The following RSF1 variants were observed in gnomAD, a reference collection of about 807,000 sequenced individuals.
The protein encoded by RSF1 is remodeling and spacing factor 1, also known as HBV pX-associated protein 8.
RSF1 carries 13 observed loss-of-function variants against 145.2 expected under a neutral mutation model. The ratio of observed to expected loss-of-function variants is 0.09; its 90% CI spans 0.06 to 0.14. The LOEUF is 0.14. RSF1 is among the 10% of genes least tolerant of loss of function. The pLI is 1.00. For missense variants in RSF1, 1,517 were observed against 1,718.2 expected (o/e 0.88, Z 2.07); for synonymous variants, 577 against 592.6 (o/e 0.97, Z 0.38).
rs566861785 is a variant in RSF1 at position 77,669,712 on chromosome 11, G to A, written c.3752-2221C>T. Among the ~76,000 whole-genome samples the A allele has an allele frequency of 2.8e-4, 43 of 152,298 alleles. No homozygotes were observed. The South Asian group carries it at 6.8e-3, about 24-fold the overall frequency. ...CTGCACAGCACTATTTATCATCAGAGGTTAGCACATTTTTTATGTAAGAGG... is the reference window on the plus strand; with the variant it reads ...CTGCACAGCACTATTTATCATCAGAAGTTAGCACATTTTTTATGTAAGAGG... On this transcript the variant is annotated intron_variant, in intron 15 of 15. Coordinates refer to ENST00000308488, the MANE Select transcript of RSF1 (RefSeq NM_016578.4).
At chr11:77,732,323 T>C (rs1339142505) in intron 4 of RSF1, among the ~76,000 whole-genome samples, 1 of 152,186 alleles carries the variant, frequency 6.6e-6, no homozygotes, top group Non-Finnish European at 1.5e-5. Flanking sequence ...AGCAATTAAC[T>C]TGCTTTTGAT....
At chr11:77,814,764 A>C (rs1948766170) in intron 1 of RSF1, among the ~76,000 whole-genome samples, 1 of 152,194 alleles carries the variant, frequency 6.6e-6, no homozygotes, top group African/African-American at 2.4e-5. Flanking sequence ...CATTTTTATA[A>C]AGTAGGCATT....
intron 1 of RSF1, among the ~76,000 whole-genome samples, chr11:77,810,029 A>AAT (rs1378131112): frequency 6.6e-6 from 1 of 152,218 alleles, no homozygotes; most frequent in Non-Finnish European, 1.5e-5. Context: ...TTTGCTGCAA[A>AAT]ATACACTGAT....
chr11:77,729,895 C>CAAAAAAAAAAAAAAAAAAAAA lies in RSF1; in HGVS notation c.579-4217_579-4197dup, dbSNP rs398045289. Among the ~76,000 whole-genome samples, 173 of 48,936 alleles carry CAAAAAAAAAAAAAAAAAAAAA rather than the reference C, an allele frequency of 3.5e-3. 24 individuals carry two copies. The highest frequency in any genetic ancestry group is 5.0e-3 in the Non-Finnish European group (112 of 22,364). 32.1% of individuals were successfully genotyped at this position (48,936 alleles called of 152,430 possible). A position where few individuals can be genotyped will look rare whatever the true frequency, so the allele number is the denominator to read the frequency against. Reference sequence around the variant, plus strand: ...TATAAATGCCAAATTATTCAGTAGGCAAAAAAAAAAAAAAAAAAAAAAAAA... The same window carrying CAAAAAAAAAAAAAAAAAAAAA: ...TATAAATGCCAAATTATTCAGTAGGCAAAAAAAAAAAAAAAAAAAAAAAAAAAAAAAAAAAAAAAAAAAAAA... On this transcript the variant is annotated intron_variant, in intron 4 of 15. Transcript: ENST00000308488.
intron 1 of RSF1, among the ~76,000 whole-genome samples, chr11:77,815,368 C>G (rs891108464): frequency 1.3e-5 from 2 of 152,074 alleles, no homozygotes; most frequent in African/African-American, 4.8e-5. Context: ...GTGGGATCTA[C>G]TCTACAATAA....
intron 1 of RSF1, among the ~76,000 whole-genome samples, chr11:77,807,963 G>C (rs531648759): frequency 6.6e-6 from 1 of 152,276 alleles, no homozygotes; most frequent in Admixed American, 6.5e-5. Context: ...ATAGGTACAG[G>C]AGACGAAGTC....
intron 1 of RSF1, among the ~76,000 whole-genome samples, chr11:77,789,429 T>G (rs1327633805): frequency 1.3e-5 from 2 of 152,054 alleles, no homozygotes; most frequent in African/African-American, 4.8e-5. Flanking sequence ...GGGCTGAGAC[T>G]CAAGTGATGC....
intron 2 of RSF1, among the ~76,000 whole-genome samples, chr11:77,749,206 TA>T (rs1424016172): frequency 6.6e-6 from 1 of 152,120 alleles, no homozygotes; most frequent in Non-Finnish European, 1.5e-5. Flanking sequence ...TTTAGAGTAA[TA>T]AAAGTGTTCT....
chr11:77,720,041 T>C (rs1385898249), intron 5 of RSF1, among the ~76,000 whole-genome samples: 1 of 152,204 alleles, frequency 6.6e-6, no homozygotes, highest in Non-Finnish European at 1.5e-5. Context: ...CTAGAAATGT[T>C]CTAGAATTAG....
rs1321076693 is a variant in RSF1, at chr11:77,673,212, T to C, written c.3563-982A>G. Among the ~76,000 whole-genome samples the C allele has an allele frequency of 2.0e-5, 3 of 152,324 alleles. No individual in the cohort carries two copies. The East Asian group carries it at 5.8e-4, about 29-fold the overall frequency. Reference sequence around the variant, plus strand: ...TTCCACATAAATACAGAACTCAAGATATATTTTTGACTCTTCTCCATAAAG... The same window carrying C: ...TTCCACATAAATACAGAACTCAAGACATATTTTTGACTCTTCTCCATAAAG... On this transcript the variant is annotated intron_variant, in intron 14 of 15. Transcript: ENST00000308488.
chr11:77,717,848 C>T (rs971783359), intron 5 of RSF1: 4 of 152,164 alleles, frequency 2.6e-5, no homozygotes, highest in Admixed American at 6.5e-5. Context: ...AATATCTGTG[C>T]TTTCATCAGG....
intron 2 of RSF1, among the ~76,000 whole-genome samples, chr11:77,759,625 A>G (rs1447369318): frequency 6.6e-6 from 1 of 152,242 alleles, no homozygotes; most frequent in Non-Finnish European, 1.5e-5. Context: ...CGGAGGTTGC[A>G]GTGAGCCGAG....
At chr11:77,819,460 G>A (rs918699089) in intron 1 of RSF1, among the ~76,000 whole-genome samples, 1 of 152,236 alleles carries the variant, frequency 6.6e-6, no homozygotes, top group Non-Finnish European at 1.5e-5. Context: ...AGAACCAGCA[G>A]CAGCAGCAGG....
chr11:77,862,313 A>G, the RSF1 span, among the ~76,000 whole-genome samples: 1 of 152,200 alleles, frequency 6.6e-6, no homozygotes, highest in Admixed American at 6.5e-5. Context: ...TTAGTGTCTG[A>G]TTTAGCAGTA....
At chr11:77,737,509 G>A (rs540702983) in intron 4 of RSF1, among the ~76,000 whole-genome samples, 1 of 150,890 alleles carries the variant, frequency 6.6e-6, no homozygotes, top group African/African-American at 2.4e-5. Flanking sequence ...GGAAAACTGC[G>A]TGCAGGCATT....
chr11:77,827,098 C>T, the RSF1 span, among the ~76,000 whole-genome samples: 6 of 126,192 alleles, frequency 4.8e-5, no homozygotes, highest in African/African-American at 1.3e-4. Flanking sequence ...GAGCGAAACT[C>T]GTCTCAAAAA....
chr11:77,738,678 C>T (rs896209892), intron 4 of RSF1: 4 of 151,604 alleles, frequency 2.6e-5, no homozygotes, highest in African/African-American at 7.3e-5. Context: ...ATACATTAGA[C>T]ATTTTTTTTT....
intron 1 of RSF1, among the ~76,000 whole-genome samples, chr11:77,780,855 A>T (rs1001504084): frequency 6.6e-6 from 1 of 151,178 alleles, no homozygotes; most frequent in African/African-American, 2.4e-5. Flanking sequence ...ACTATGACTA[A>T]ATAAATGGTT....
chr11:77,803,832 C>A (rs910927600), intron 1 of RSF1, among the ~76,000 whole-genome samples: 1 of 152,064 alleles, frequency 6.6e-6, no homozygotes, highest in Non-Finnish European at 1.5e-5. Context: ...ATAATCCTAG[C>A]GCTTTGGGAG....
Sources: gnomAD v4.1 joint callset for allele counts (sites outside exome capture counted in the v4.1 genomes callset) on GRCh38, gnomAD v4.1.1 for gene constraint, MANE v1.5 for transcripts, NCBI Gene and HGNC (gene_info 2026-07-23, HGNC 2026-07-21) for gene names.